The following FRMD6 variants were observed in gnomAD, a reference collection of about 807,000 sequenced individuals.
FRMD6 encodes FERM domain containing 6, also known as FERM domain-containing protein 6.
A neutral mutation model predicts 73.2 loss-of-function variants in FRMD6; 37 were observed. The ratio of observed to expected loss-of-function variants is 0.51; its 90% CI spans 0.39 to 0.66. The LOEUF (loss-of-function observed/expected upper bound fraction) is 0.66. FRMD6 is among the 30% of genes least tolerant of loss of function. The pLI is 0.00. For synonymous variants in FRMD6, 273 were observed against 282.2 expected (o/e 0.97, Z 0.33); for missense variants, 714 against 780.5 (o/e 0.91, Z 1.02).
At chr14:51,558,486 A>C (rs1275054935) in intron 1 of FRMD6, among the ~76,000 whole-genome samples, 1 of 151,654 alleles carries the variant, frequency 6.6e-6, no homozygotes, top group Non-Finnish European at 1.5e-5. Flanking sequence ...CAAAAAACAA[A>C]AAACAAAACT....
At chr14:51,421,016 A>G in the FRMD6 span, among the ~76,000 whole-genome samples, 1 of 152,084 alleles carries the variant, frequency 6.6e-6, no homozygotes, top group Admixed American at 6.5e-5. Flanking sequence ...AGCTCAAGTG[A>G]TCCACCCCCT....
At chr14:51,603,507 A>G (rs1207961867) in intron 2 of FRMD6, among the ~76,000 whole-genome samples, 2 of 152,206 alleles carry the variant, frequency 1.3e-5, no homozygotes, top group African/African-American at 4.8e-5. Flanking sequence ...TACTTTTATA[A>G]AAAGGAAAAA....
chr14:51,716,952 GTTGATTTGTTCTA>G (rs1212114050), intron 10 of FRMD6, among the ~76,000 whole-genome samples: 1 of 152,200 alleles, frequency 6.6e-6, no homozygotes, highest in Non-Finnish European at 1.5e-5. Context: ...ACCTTGAGAA[GTTGATTTGTTCTA>G]TCAGCTTTCT....
the FRMD6 span, among the ~76,000 whole-genome samples, chr14:51,428,276 C>A: frequency 3.9e-3 from 593 of 152,266 alleles, 2 homozygotes; most frequent in East Asian, 8.7e-3. Flanking sequence ...GGCTGCCCCC[C>A]ACCCGACCCA....
At chr14:51,703,778 G>T (rs987820011) in intron 5 of FRMD6, among the ~76,000 whole-genome samples, 2 of 152,058 alleles carry the variant, frequency 1.3e-5, no homozygotes, top group Middle Eastern at 3.4e-3. Context: ...CTTAACCATG[G>T]TCTTAGTTTA....
chr14:51,619,775 C>A (rs952048372), intron 2 of FRMD6, among the ~76,000 whole-genome samples: 1 of 152,150 alleles, frequency 6.6e-6, no homozygotes, highest in Non-Finnish European at 1.5e-5. Flanking sequence ...TTTGGAATAT[C>A]TGACATATCT....
the FRMD6 span, among the ~76,000 whole-genome samples, chr14:51,426,269 C>T: frequency 6.6e-6 from 1 of 152,056 alleles, no homozygotes; most frequent in Admixed American, 6.6e-5. Context: ...TTGTGTTTTC[C>T]ATTCCATCCC....
rs1348676269 is a variant in FRMD6 at position 51,646,342 on chromosome 14, AC to A, written c.-146-43346del. ...CCAAAAAAAAAAAAAAAAAAAAAAA[AC>A]CCACTGAAGAGAACCTCAGTGGCCC... On this transcript the variant is annotated intron_variant, in intron 2 of 14. Coordinates refer to the FRMD6 transcript ENST00000356218. 3.2e-5 allele frequency among the ~76,000 whole-genome samples: 4 copies of A among 126,298 alleles called. No homozygotes were observed. The South Asian group carries it at 7.6e-4, about 24-fold the overall frequency. The allele number at this position is 126,298 out of a possible 152,430, so 82.9% of individuals were successfully genotyped here.
intron 1 of FRMD6, among the ~76,000 whole-genome samples, chr14:51,542,135 T>C (rs1347133203): frequency 6.6e-6 from 1 of 152,042 alleles, no homozygotes; most frequent in Non-Finnish European, 1.5e-5. Context: ...TTTATTATTT[T>C]GGTAAAATAC....
At chr14:51,610,338 TA>T (rs5808625) in intron 2 of FRMD6, among the ~76,000 whole-genome samples, 19,582 of 142,168 alleles carry the variant, frequency 0.14, 1,409 homozygotes, top group Non-Finnish European at 0.17. Context: ...CCTTTTTTTT[TA>T]AAAAAAAAAA....
chr14:51,553,195 C>T (rs556297921), intron 1 of FRMD6, among the ~76,000 whole-genome samples: 8 of 152,256 alleles, frequency 5.3e-5, no homozygotes, highest in East Asian at 1.9e-4. Flanking sequence ...TTAAAAAGGA[C>T]GCAAATGTCA....
At chr14:51,479,443 A>T in the FRMD6 span, among the ~76,000 whole-genome samples, 2 of 152,212 alleles carry the variant, frequency 1.3e-5, no homozygotes. Context: ...GAGGCACAGG[A>T]TAAATATGAG....
chr14:51,548,401 C>G (rs1433009550), intron 1 of FRMD6, among the ~76,000 whole-genome samples: 1 of 152,150 alleles, frequency 6.6e-6, no homozygotes, highest in African/African-American at 2.4e-5. Flanking sequence ...TTGTAGCCAT[C>G]AGAATTAATT....
chr14:51,679,899 T>G (rs1256512249), intron 1 of FRMD6, among the ~76,000 whole-genome samples: 1 of 152,206 alleles, frequency 6.6e-6, no homozygotes, highest in African/African-American at 2.4e-5. Context: ...CATTAGCCTT[T>G]GCTTTGCCTC....
intron 5 of FRMD6, 34 bp downstream of exon 5, chr14:51,702,622 T>G (rs779483345): frequency 3.3e-6 from 5 of 1,529,212 alleles, no homozygotes; most frequent in Non-Finnish European, 9.0e-7. Flanking sequence ...AAACGCTTTT[T>G]TTTCCCCCAT....
chr14:51,459,348 C>T, the FRMD6 span, among the ~76,000 whole-genome samples: 6 of 152,062 alleles, frequency 3.9e-5, no homozygotes, highest in East Asian at 1.2e-3. Context: ...AATGACTAGG[C>T]CCTCCCTCAC....
chr14:51,417,874 T>G, the FRMD6 span, among the ~76,000 whole-genome samples: 2 of 152,298 alleles, frequency 1.3e-5, no homozygotes, highest in South Asian at 4.1e-4. Context: ...TTCTCTAACC[T>G]TGTCTTCTCA....
At position 51,603,243 on chromosome 14, in the gene FRMD6, G is replaced by A. The variant is rs1174068018; in HGVS notation, c.-147+32833G>A. Reference sequence around the variant, plus strand: ...AGAACTATAGGAAAAAAATTTCTATGGTTTATAAGCCACATAGTTTATGAT... The same window carrying A: ...AGAACTATAGGAAAAAAATTTCTATAGTTTATAAGCCACATAGTTTATGAT... On this transcript the variant is annotated intron_variant, in intron 2 of 14. Coordinates refer to the FRMD6 transcript ENST00000356218. Among the ~76,000 whole-genome samples, 4 of 125,636 alleles carry A rather than the reference G, an allele frequency of 3.2e-5. 1 individual carries two copies. In the South Asian group the frequency reaches 1.1e-3, roughly 35 times the overall value. 82.4% of individuals were successfully genotyped at this position (125,636 alleles called of 152,430 possible).
intron 1 of FRMD6, among the ~76,000 whole-genome samples, chr14:51,674,902 A>T (rs1894278936): frequency 6.6e-6 from 1 of 152,122 alleles, no homozygotes; most frequent in South Asian, 2.1e-4. Flanking sequence ...GATTTTGTTG[A>T]CTTCACACAC....
Sources: allele counts gnomAD v4.1 joint callset (sites outside exome capture counted in the v4.1 genomes callset), GRCh38; gene constraint gnomAD v4.1.1; transcripts MANE v1.5; gene names NCBI Gene and HGNC (gene_info 2026-07-23, HGNC 2026-07-21).